LRRC40: variants seen among roughly 807,000 people sequenced by gnomAD.
The protein encoded by LRRC40 is leucine-rich repeat-containing protein 40.
Under a neutral mutation model 72.8 loss-of-function variants are expected in LRRC40, and 76 were observed. That is an observed-to-expected ratio of 1.04 (90% CI 0.87 to 1.26). The LOEUF (loss-of-function observed/expected upper bound fraction) is 1.26, where lower values mean the gene tolerates loss of function less well. Ranked by LOEUF, LRRC40 falls within the 50% of genes most tolerant of loss-of-function variation. The probability of loss-of-function intolerance (pLI) is 0.00; values close to 1 mark genes in which losing one functional copy is unlikely to be tolerated. For synonymous variants in LRRC40, 243 were observed against 254.2 expected, an observed-to-expected ratio of 0.96 and a Z score of 0.42; for missense variants, 684 against 698.9, an observed-to-expected ratio of 0.98 and a Z score of 0.24.
intron 1 of LRRC40, among the ~76,000 whole-genome samples, chr1:70,195,832 C>T (rs374805977): frequency 2.6e-5 from 4 of 152,028 alleles, no homozygotes; most frequent in East Asian, 1.9e-4. Context: ...GGCGGGGTTT[C>T]GCCATGTTGG....
chr1:70,153,306 G>A (rs1049257518), intron 11 of LRRC40, among the ~76,000 whole-genome samples: 45 of 151,862 alleles, frequency 3.0e-4, no homozygotes, highest in African/African-American at 8.9e-4. Context: ...AGGTTGTAGC[G>A]AACTGAGATC....
chr1:70,186,082 C>T (rs1187495596), intron 3 of LRRC40, among the ~76,000 whole-genome samples: 2 of 152,060 alleles, frequency 1.3e-5, no homozygotes, highest in African/African-American at 4.8e-5. Context: ...ATTGTTAAGT[C>T]GGTTACTGTT....
At chr1:70,161,580 T>A (rs1384106930) in intron 9 of LRRC40, among the ~76,000 whole-genome samples, 1 of 151,082 alleles carries the variant, frequency 6.6e-6, no homozygotes, top group Non-Finnish European at 1.5e-5. Flanking sequence ...AAGAAAGAAA[T>A]TTTCAAATGT....
intron 4 of LRRC40, among the ~76,000 whole-genome samples, chr1:70,183,483 T>C (rs1352715503): frequency 1.3e-5 from 2 of 152,158 alleles, no homozygotes; most frequent in African/African-American, 2.4e-5. Context: ...ACTTGTTAGT[T>C]GTGTTACTTT....
Position 70,190,677 on chromosome 1 carries a change from TAA to T in LRRC40, c.152-1406_152-1405del, listed in dbSNP as rs59341874. ...GGGAAACAGAGTGAGACCCTGTCTCTAAAAAAAAAAAAAAAAAAACTTAAAAA... is the reference window on the plus strand; with the variant it reads ...GGGAAACAGAGTGAGACCCTGTCTCTAAAAAAAAAAAAAAAAACTTAAAAA... On this transcript the variant is annotated intron_variant, in intron 1 of 14. Coordinates refer to ENST00000370952, the MANE Select transcript of LRRC40 (RefSeq NM_017768.5). Among the ~76,000 whole-genome samples the T allele has an allele frequency of 2.4e-4, 13 of 54,346 alleles. 2 individuals carry two copies. Among genetic ancestry groups the T allele is most frequent in the African/African-American group, 8.8e-4 (7 of 7,916 alleles). The allele number at this position is 54,346 out of a possible 152,430, so 35.7% of individuals were successfully genotyped here. A position where few individuals can be genotyped will look rare whatever the true frequency, so the allele number is the denominator to read the frequency against.
At chr1:70,160,990 G>A (rs992318349) in intron 9 of LRRC40, among the ~76,000 whole-genome samples, 2 of 150,438 alleles carry the variant, frequency 1.3e-5, no homozygotes, top group Admixed American at 6.6e-5. Context: ...TAGGTTTCCA[G>A]AGAGAGAGAA....
chr1:70,156,975 T>C (rs1667651486), intron 10 of LRRC40, among the ~76,000 whole-genome samples: 1 of 152,192 alleles, frequency 6.6e-6, no homozygotes, highest in Non-Finnish European at 1.5e-5. Flanking sequence ...CATTTGCAGA[T>C]TTAACTGTTT....
At chr1:70,146,879 TAA>T (rs1326456200) in intron 14 of LRRC40, 10 of 152,196 alleles carry the variant, frequency 6.6e-5, no homozygotes, top group Non-Finnish European at 1.3e-4. Context: ...TATCTTCAAT[TAA>T]GAGAGGCTTT....
intron 11 of LRRC40, among the ~76,000 whole-genome samples, chr1:70,153,405 C>G: frequency 6.6e-6 from 1 of 151,242 alleles, no homozygotes; most frequent in East Asian, 1.9e-4. Context: ...ACAACTTAGT[C>G]TATCTCATTA....
At chr1:70,165,194 G>T (rs931928953) in intron 9 of LRRC40, among the ~76,000 whole-genome samples, 1 of 152,196 alleles carries the variant, frequency 6.6e-6, no homozygotes, top group East Asian at 1.9e-4. Flanking sequence ...AACAATTTCA[G>T]AGTTATATTT....
intron 1 of LRRC40, among the ~76,000 whole-genome samples, chr1:70,198,607 T>G (rs1214084893): frequency 6.6e-6 from 1 of 152,214 alleles, no homozygotes; most frequent in Admixed American, 6.5e-5. Context: ...TTCTTTGAAG[T>G]TGGTTATTAA....
At chr1:70,149,884 G>A (rs1184072439) in intron 13 of LRRC40, among the ~76,000 whole-genome samples, 1 of 151,886 alleles carries the variant, frequency 6.6e-6, no homozygotes, top group Non-Finnish European at 1.5e-5. Context: ...CATTATCTAG[G>A]TTGCATTAAA....
chr1:70,152,591 G>C (rs777762264), intron 11 of LRRC40, 48 bp from the exon 12 acceptor site: 6 of 954,402 alleles, frequency 6.3e-6, no homozygotes, highest in Non-Finnish European at 1.0e-5. Context: ...TTCACTGCCA[G>C]AACTTCAAAA....
chr1:70,178,996 G>A lies in LRRC40; in HGVS notation c.662-3C>T. 1 of 1,541,938 alleles carries A rather than the reference G, an allele frequency of 6.5e-7. No individual in the cohort carries two copies. Among genetic ancestry groups the A allele is most frequent in the East Asian group, 2.3e-5 (1 of 43,752 alleles). ...ATTACAATCCAAATGCTTCAACCCT[G>A]TAATATATATTCAGTAAAAAACAAA... On this transcript the variant is annotated splice_polypyrimidine_tract_variant and splice_region_variant and intron_variant, in intron 5 of 14. Transcript: ENST00000370952.
At position 70,148,486 on chromosome 1, in the gene LRRC40, C is replaced by T. The variant is rs1442132930; in HGVS notation, c.1703+1G>A. ...ACAATGCAGTAGAATGGTGTAGTTA[C>T]CTTAAGTTTACACAATTACCGAGCT... On this transcript the variant is annotated splice_donor_variant, in intron 14 of 14. Transcript: ENST00000370952. LOFTEE classifies it high-confidence loss of function. 1.2e-6 allele frequency: 2 copies of T among 1,604,050 alleles called. No individual in the cohort carries two copies. The highest frequency in any genetic ancestry group is 1.7e-6 in the Non-Finnish European group (2 of 1,172,374).
intron 14 of LRRC40, chr1:70,147,895 G>T (rs1456035448): frequency 6.6e-6 from 1 of 151,902 alleles, no homozygotes; most frequent in African/African-American, 2.4e-5. Context: ...TTAGGCACTG[G>T]GACAACTCTT....
At chr1:70,199,213 T>TCACA (rs1301228532) in intron 1 of LRRC40, among the ~76,000 whole-genome samples, 16 of 81,942 alleles carry the variant, frequency 2.0e-4, no homozygotes, top group African/African-American at 9.4e-4. Flanking sequence ...TTATACATAG[T>TCACA]CTCACACACA....
At chr1:70,169,102 C>T (rs1209166132) in intron 9 of LRRC40, among the ~76,000 whole-genome samples, 1 of 152,120 alleles carries the variant, frequency 6.6e-6, no homozygotes, top group African/African-American at 2.4e-5. Context: ...TTCCAAGAGA[C>T]AGCTAATCAT....
At chr1:70,187,001 T>A (rs1668374929) in intron 3 of LRRC40, among the ~76,000 whole-genome samples, 1 of 151,660 alleles carries the variant, frequency 6.6e-6, no homozygotes, top group Admixed American at 6.6e-5. Flanking sequence ...AAGAATTGTT[T>A]TATAAAAAAA....
Sources: allele counts gnomAD v4.1 joint callset (sites outside exome capture counted in the v4.1 genomes callset), GRCh38; gene constraint gnomAD v4.1.1; transcripts MANE v1.5; gene names NCBI Gene and HGNC (gene_info 2026-07-23, HGNC 2026-07-21).